SLC24A2: variants seen among roughly 807,000 people sequenced by gnomAD.
The protein encoded by SLC24A2 is sodium/potassium/calcium exchanger 2.
A neutral mutation model predicts 62.0 loss-of-function variants in SLC24A2; 36 were observed. The ratio of observed to expected loss-of-function variants is 0.58; its 90% CI spans 0.44 to 0.77. The LOEUF (loss-of-function observed/expected upper bound fraction) is 0.77, where lower values mean the gene tolerates loss of function less well. SLC24A2 is among the 30% of genes least tolerant of loss of function. SLC24A2 has a pLI of 0.00. For synonymous variants in SLC24A2, 358 were observed against 294.0 expected (o/e 1.22, Z -2.23); for missense variants, 846 against 817.9 (o/e 1.03, Z -0.42).
chr9:19,589,217 T>C (rs1228608465), intron 5 of SLC24A2, among the ~76,000 whole-genome samples: 8 of 152,152 alleles, frequency 5.3e-5, no homozygotes, highest in African/African-American at 1.7e-4. Flanking sequence ...GGAATGAAAA[T>C]ATCCTAAATG....
At chr9:20,279,075 G>A in the SLC24A2 span, among the ~76,000 whole-genome samples, 2 of 152,034 alleles carry the variant, frequency 1.3e-5, no homozygotes, top group Admixed American at 1.3e-4. Flanking sequence ...CAGATCTCAT[G>A]ATACTTATTC....
At chr9:19,695,455 A>G (rs910331280) in intron 2 of SLC24A2, among the ~76,000 whole-genome samples, 2 of 152,070 alleles carry the variant, frequency 1.3e-5, no homozygotes, top group Non-Finnish European at 1.5e-5. Context: ...CTGAATAAGA[A>G]AAAAAGTATT....
chr9:19,557,209 C>T (rs1028293408), intron 7 of SLC24A2, among the ~76,000 whole-genome samples: 1 of 152,184 alleles, frequency 6.6e-6, no homozygotes, highest in African/African-American at 2.4e-5. Flanking sequence ...GCTTTACATC[C>T]AGTTATACCA....
chr9:20,207,481 A>T, the SLC24A2 span, among the ~76,000 whole-genome samples: 1 of 152,342 alleles, frequency 6.6e-6, no homozygotes, highest in East Asian at 1.9e-4. Flanking sequence ...AAATTAGGCT[A>T]AGAAATGAGG....
At chr9:19,787,874 T>C (rs979280381) in intron 1 of SLC24A2, among the ~76,000 whole-genome samples, 2 of 152,174 alleles carry the variant, frequency 1.3e-5, no homozygotes, top group Non-Finnish European at 2.9e-5. Context: ...TAGCAATACC[T>C]CTGTCCACAA....
intron 2 of SLC24A2, among the ~76,000 whole-genome samples, chr9:19,758,610 C>A (rs1822218169): frequency 6.6e-6 from 1 of 152,092 alleles, no homozygotes; most frequent in Non-Finnish European, 1.5e-5. Flanking sequence ...AACAAGAGAT[C>A]AAGGTTTCCT....
At chr9:20,002,727 T>C in the SLC24A2 span, among the ~76,000 whole-genome samples, 1 of 152,172 alleles carries the variant, frequency 6.6e-6, no homozygotes, top group Non-Finnish European at 1.5e-5. Context: ...AGTTTCTGGT[T>C]TGTCTTCTTC....
intron 5 of SLC24A2, among the ~76,000 whole-genome samples, chr9:19,594,683 G>GGCAA (rs1448974269): frequency 6.6e-6 from 1 of 152,190 alleles, no homozygotes. Context: ...ATTTCTCAAA[G>GGCAA]GCTAGCTAGC....
At position 19,578,209 on chromosome 9, in the gene SLC24A2, C is replaced by G. The variant is rs550129002; in HGVS notation, c.1130-1187G>C. Reference sequence around the variant, plus strand: ...AGAAATTACTCATGTAACCAAATACCACCTGTACCCCAATAACTTATGGAA... The same window carrying G: ...AGAAATTACTCATGTAACCAAATACGACCTGTACCCCAATAACTTATGGAA... On this transcript the variant is annotated intron_variant, in intron 5 of 10. Coordinates refer to ENST00000341998, the MANE Select transcript of SLC24A2 (RefSeq NM_020344.4). Among the ~76,000 whole-genome samples, 14 of 151,966 alleles carry G rather than the reference C, an allele frequency of 9.2e-5. No homozygotes were observed. The East Asian group carries it at 1.4e-3, about 15-fold the overall frequency.
intron 2 of SLC24A2, among the ~76,000 whole-genome samples, chr9:19,783,262 A>C (rs984073078): frequency 1.3e-5 from 2 of 152,310 alleles, no homozygotes; most frequent in Non-Finnish European, 2.9e-5. Flanking sequence ...AGAATATCTA[A>C]AATGTGATTC....
chr9:20,070,416 G>A, the SLC24A2 span, among the ~76,000 whole-genome samples: 2 of 152,146 alleles, frequency 1.3e-5, no homozygotes, highest in African/African-American at 4.8e-5. Context: ...GTAAAAATAA[G>A]CTCAGCTTTG....
At position 19,786,157 on chromosome 9, in the gene SLC24A2, G is replaced by A. The variant is rs1197554683; in HGVS notation, c.710C>T (p.Pro237Leu). The A allele has an allele frequency of 1.9e-6, 3 of 1,613,968 alleles. No individual in the cohort carries two copies. Among genetic ancestry groups the A allele is most frequent in the Non-Finnish European group, 1.7e-6 (2 of 1,180,048 alleles). Reference sequence around the variant, plus strand: ...GTAGAAAGACACATCTCGAAAGAGCGGCCACCATGTCAGGTTTAAGATTTC... The same window carrying A: ...GTAGAAAGACACATCTCGAAAGAGCAGCCACCATGTCAGGTTTAAGATTTC... Reference protein sequence around the residue: ...SREILNLTWWPLFRDVSFYIV... With the variant: ...SREILNLTWWLLFRDVSFYIV... The change falls in exon 2 of 11, where the codon CCG becomes CTG. Residue 237 changes from proline to leucine, a missense_variant. Transcript: ENST00000341998. This position sits in a 1 kb window ranked among gnomAD's most constrained non-coding sequence, Gnocchi z 5.0.
chr9:20,093,242 T>C, the SLC24A2 span, among the ~76,000 whole-genome samples: 1 of 151,942 alleles, frequency 6.6e-6, no homozygotes, highest in Non-Finnish European at 1.5e-5. Flanking sequence ...CTGGCTAATT[T>C]TGTATTTTTA....
the SLC24A2 span, among the ~76,000 whole-genome samples, chr9:19,794,881 A>T: frequency 9.1e-4 from 138 of 152,218 alleles, 1 homozygote; most frequent in Middle Eastern, 3.4e-3. Context: ...ACTCAAAAAA[A>T]AAAAAATAAA....
At chr9:19,904,965 G>A in the SLC24A2 span, among the ~76,000 whole-genome samples, 1 of 151,922 alleles carries the variant, frequency 6.6e-6, no homozygotes, top group East Asian at 1.9e-4. Context: ...AGAGAGTGGA[G>A]GTAAAGGAAA....
the SLC24A2 span, among the ~76,000 whole-genome samples, chr9:20,228,136 T>C: frequency 2.0e-5 from 3 of 152,096 alleles, no homozygotes; most frequent in South Asian, 2.1e-4. Flanking sequence ...ATATTCCCAG[T>C]TTACTAAATT....
the SLC24A2 span, among the ~76,000 whole-genome samples, chr9:20,272,357 T>C: frequency 6.6e-6 from 1 of 152,210 alleles, no homozygotes; most frequent in Non-Finnish European, 1.5e-5. Flanking sequence ...TAGAGTCTCA[T>C]AGTTCGACCC....
rs376923395 is a variant in SLC24A2 at position 19,587,048 on chromosome 9, T to A, written c.1130-10026A>T. Among the ~76,000 whole-genome samples the A allele has an allele frequency of 9.1e-4, 138 of 152,318 alleles. 1 individual carries two copies. In the South Asian group the frequency reaches 1.0e-2, roughly 11 times the overall value. On this transcript the variant is annotated intron_variant, in intron 5 of 10. Transcript: ENST00000341998. Reference sequence around the variant, plus strand: ...GCCAGCATTTAACCCAACTACCTCCTAATGGGCATAAAAATTCTCTTCAGA... The same window carrying A: ...GCCAGCATTTAACCCAACTACCTCCAAATGGGCATAAAAATTCTCTTCAGA...
chr9:20,291,332 G>C, the SLC24A2 span, among the ~76,000 whole-genome samples: 7 of 152,098 alleles, frequency 4.6e-5, no homozygotes, highest in African/African-American at 1.7e-4. Flanking sequence ...GAGAGAGATG[G>C]CATTTGAAAT....
Sources: gnomAD v4.1 joint callset for allele counts (sites outside exome capture counted in the v4.1 genomes callset) on GRCh38, gnomAD v4.1.1 for gene constraint, Gnocchi (gnomAD v3.1) non-coding constraint, MANE v1.5 for transcripts, NCBI Gene and HGNC (gene_info 2026-07-23, HGNC 2026-07-21) for gene names.